DHTKD1: variants seen among roughly 807,000 people sequenced by gnomAD.
DHTKD1 encodes dehydrogenase E1 and transketolase domain containing 1.
Under a neutral mutation model 101.8 loss-of-function variants are expected in DHTKD1, and 78 were observed. The ratio of observed to expected loss-of-function variants is 0.77; its 90% CI spans 0.64 to 0.93. The LOEUF is 0.93. DHTKD1 is among the 40% of genes least tolerant of loss of function. DHTKD1 has a pLI of 0.00. For synonymous variants in DHTKD1, 462 were observed against 450.3 expected, an observed-to-expected ratio of 1.03 and a Z score of -0.33; for missense variants, 1,223 against 1,161.7, an observed-to-expected ratio of 1.05 and a Z score of -0.77.
intron 9 of DHTKD1, among the ~76,000 whole-genome samples, chr10:12,100,493 G>C (rs983579782): frequency 6.7e-6 from 1 of 149,730 alleles, no homozygotes; most frequent in Non-Finnish European, 1.5e-5. Context: ...TCGAACTCTT[G>C]ACCTCGTGTT....
intron 1 of DHTKD1, among the ~76,000 whole-genome samples, chr10:12,079,345 G>T (rs865810953): frequency 6.6e-6 from 1 of 152,204 alleles, no homozygotes; most frequent in South Asian, 2.1e-4. Flanking sequence ...CTGCAATGCT[G>T]TAGAGCCCAG....
At chr10:12,084,878 C>A in intron 3 of DHTKD1, 127 bp downstream of exon 3, 1 of 712,228 alleles carries the variant, frequency 1.4e-6, no homozygotes, top group Non-Finnish European at 2.3e-6. Flanking sequence ...TGGAGAAACC[C>A]CATCTCTACT....
At chr10:12,119,509 G>A (rs11257547) in intron 15 of DHTKD1, among the ~76,000 whole-genome samples, 5 of 150,810 alleles carry the variant, frequency 3.3e-5, no homozygotes, top group South Asian at 2.1e-4. Context: ...CCAGCTACTT[G>A]GGAGGCTGAC....
intron 12 of DHTKD1, among the ~76,000 whole-genome samples, chr10:12,108,528 C>G (rs569087792): frequency 6.6e-6 from 1 of 152,304 alleles, no homozygotes; most frequent in South Asian, 2.1e-4. Context: ...GATCTACCCG[C>G]CTCAGCTTCC....
intron 9 of DHTKD1, 23 bp downstream of exon 9, chr10:12,100,285 C>CTGTTTTTTTTT: frequency 3.9e-5 from 9 of 228,218 alleles, no homozygotes; most frequent in South Asian, 6.1e-5. Flanking sequence ...TTTTTTTTTT[C>CTGTTTTTTTTT]TGTTTTTTTT....
intron 2 of DHTKD1, among the ~76,000 whole-genome samples, chr10:12,081,980 A>G (rs1019502330): frequency 2.6e-5 from 4 of 151,282 alleles, no homozygotes; most frequent in Non-Finnish European, 5.9e-5. Flanking sequence ...AAAAAAAAAT[A>G]ACTGGGCATG....
chr10:12,078,021 C>T (rs1471488267), intron 1 of DHTKD1, among the ~76,000 whole-genome samples: 1 of 151,912 alleles, frequency 6.6e-6, no homozygotes, highest in Admixed American at 6.6e-5. Flanking sequence ...CTGCTGGTGC[C>T]AAACTGCTAC....
At chr10:12,093,610 G>A (rs1193575093) in intron 6 of DHTKD1, among the ~76,000 whole-genome samples, 1 of 152,054 alleles carries the variant, frequency 6.6e-6, no homozygotes, top group East Asian at 1.9e-4. Context: ...ATGCCTCTTG[G>A]GCTTGTCTAT....
intron 6 of DHTKD1, among the ~76,000 whole-genome samples, chr10:12,093,124 A>G (rs915912364): frequency 6.6e-6 from 1 of 151,386 alleles, no homozygotes; most frequent in Non-Finnish European, 1.5e-5. Flanking sequence ...GTTCACCACA[A>G]CTTGCACCTC....
At position 12,101,157 on chromosome 10, in the gene DHTKD1, C is replaced by T. The variant is rs755679956; in HGVS notation, c.1872C>T (p.Asp624=). Residue 624 remains aspartate (D), a synonymous_variant, in exon 10 of 17, where the codon GAC becomes GAT. Transcript: ENST00000263035. Reference sequence around the variant, plus strand: ...CCTACATCCCCCTGAACCATATGGACCCAAATCAGAAGGGGTTTCTAGAGG... The same window carrying T: ...CCTACATCCCCCTGAACCATATGGATCCAAATCAGAAGGGGTTTCTAGAGG... ...DDTYIPLNHM[D]PNQKGFLEVS... 27 of 1,613,804 alleles carry T rather than the reference C, an allele frequency of 1.7e-5. No individual in the cohort carries two copies. Among genetic ancestry groups the T allele is most frequent in the Non-Finnish European group, 2.0e-5 (24 of 1,179,910 alleles).
intron 5 of DHTKD1, among the ~76,000 whole-genome samples, chr10:12,090,622 A>C (rs1407693986): frequency 6.6e-6 from 1 of 152,088 alleles, no homozygotes; most frequent in Admixed American, 6.6e-5. Flanking sequence ...AGCTGGGCCT[A>C]CAGGTGCATG....
intron 1 of DHTKD1, among the ~76,000 whole-genome samples, chr10:12,078,631 G>A (rs1832769581): frequency 6.6e-6 from 1 of 152,078 alleles, no homozygotes; most frequent in African/African-American, 2.4e-5. Flanking sequence ...AAAAGAAATA[G>A]AAGCAGTGAT....
intron 1 of DHTKD1, among the ~76,000 whole-genome samples, chr10:12,069,415 G>T (rs1449435603): frequency 3.9e-5 from 6 of 152,182 alleles, no homozygotes; most frequent in African/African-American, 1.2e-4. Context: ...CCACGCTTGG[G>T]TGGTCTTCCC....
intron 2 of DHTKD1, among the ~76,000 whole-genome samples, chr10:12,081,960 CAA>C (rs772486162): frequency 1.9e-4 from 17 of 88,858 alleles, no homozygotes; most frequent in African/African-American, 4.9e-4. Context: ...ACTGTCTCTA[CAA>C]AAAAAAAAAA....
chr10:12,100,684 T>TA (rs1307675495), intron 9 of DHTKD1, among the ~76,000 whole-genome samples: 1 of 152,192 alleles, frequency 6.6e-6, no homozygotes, highest in Non-Finnish European at 1.5e-5. Flanking sequence ...AGAGAGGTTC[T>TA]AAAGCATGTT....
chr10:12,094,583 T>A (rs1484979300), intron 7 of DHTKD1, among the ~76,000 whole-genome samples: 1 of 152,168 alleles, frequency 6.6e-6, no homozygotes, highest in Non-Finnish European at 1.5e-5. Context: ...GTGATCTGCC[T>A]GCCTCGCCCT....
intron 16 of DHTKD1, 123 bp from the exon 17 acceptor site, chr10:12,120,664 A>G: frequency 1.2e-6 from 1 of 835,808 alleles, no homozygotes; most frequent in Non-Finnish European, 2.0e-6. Context: ...GTAACTCATT[A>G]TTTGAAAGAG....
intron 6 of DHTKD1, among the ~76,000 whole-genome samples, chr10:12,093,088 C>T (rs563997919): frequency 1.9e-4 from 28 of 150,088 alleles, no homozygotes; most frequent in African/African-American, 5.4e-4. Flanking sequence ...TTGTTGCCCA[C>T]GCTGCAGTGC....
chr10:12,120,901 A>C lies in DHTKD1; in HGVS notation c.*13A>C. 6.2e-7 allele frequency: 1 copy of C among 1,612,070 alleles called. No individual in the cohort carries two copies. The highest frequency in any genetic ancestry group is 8.5e-7 in the Non-Finnish European group (1 of 1,178,590). On this transcript the variant is annotated 3_prime_UTR_variant, in exon 17 of 17. Coordinates refer to ENST00000263035, the MANE Select transcript of DHTKD1 (RefSeq NM_018706.7). ...GACCTTCGCTTGATGATGACTTTTG[A>C]AGAAACACTATTTCTCTTTAAGAAA...
Sources: gnomAD v4.1 joint callset for allele counts (sites outside exome capture counted in the v4.1 genomes callset) on GRCh38, gnomAD v4.1.1 for gene constraint, MANE v1.5 for transcripts, NCBI Gene and HGNC (gene_info 2026-07-23, HGNC 2026-07-21) for gene names.